Variants in KCND3 observed in about 807,000 individuals in gnomAD.
KCND3 encodes the protein A-type voltage-gated potassium channel KCND3.
In KCND3, 9 loss-of-function variants were observed where a neutral mutation model predicts 51.1. That is an observed-to-expected ratio of 0.18 (90% CI 0.11 to 0.31). The LOEUF is 0.31. Ranked by LOEUF, KCND3 falls within the 10% of genes least tolerant of loss-of-function variation. The pLI, the probability that KCND3 is intolerant of heterozygous loss-of-function variation, is 1.00. For missense variants in KCND3, 526 were observed against 903.8 expected, an observed-to-expected ratio of 0.58 and a Z score of 5.36; for synonymous variants, 349 against 368.0, an observed-to-expected ratio of 0.95 and a Z score of 0.59.
At chr1:111,972,144 C>G (rs1318803097) in intron 2 of KCND3, among the ~76,000 whole-genome samples, 3 of 149,866 alleles carry the variant, frequency 2.0e-5, no homozygotes, top group Non-Finnish European at 3.0e-5. Flanking sequence ...CTGCTTATCT[C>G]TAGCTATTTT....
intron 2 of KCND3, among the ~76,000 whole-genome samples, chr1:111,831,299 C>T (rs938918713): frequency 2.0e-5 from 3 of 152,174 alleles, no homozygotes; most frequent in African/African-American, 7.2e-5. Flanking sequence ...ATTGTAATCC[C>T]CAATGTCAGA....
At chr1:111,827,328 G>A (rs926785895) in intron 2 of KCND3, among the ~76,000 whole-genome samples, 2 of 152,206 alleles carry the variant, frequency 1.3e-5, no homozygotes, top group Non-Finnish European at 2.9e-5. Flanking sequence ...TGCAGCCTAG[G>A]GGTGGAGCCC....
chr1:111,909,059 A>G (rs2034124), intron 2 of KCND3, among the ~76,000 whole-genome samples: 88,795 of 151,204 alleles, frequency 0.59, 26,347 homozygotes, highest in African/African-American at 0.69. Context: ...CAGAAGGCAG[A>G]CTCCTCAATT....
chr1:111,798,825 T>C (rs779475290), intron 2 of KCND3, among the ~76,000 whole-genome samples: 1 of 150,776 alleles, frequency 6.6e-6, no homozygotes, highest in Non-Finnish European at 1.5e-5. Context: ...TGCAAAACAC[T>C]TTTATCCTGA....
chr1:111,973,912 A>G (rs1674480774), intron 2 of KCND3, among the ~76,000 whole-genome samples: 2 of 152,228 alleles, frequency 1.3e-5, no homozygotes. Flanking sequence ...AGCCTCATCC[A>G]TCTCTCCATC....
At position 111,901,115 on chromosome 1, in the gene KCND3, TC is replaced by T. The variant is rs369187370; in HGVS notation, c.1106+80505del. On this transcript the variant is annotated intron_variant, in intron 2 of 7. Transcript: ENST00000302127. ...AGGTAGTTATTATTGTTAGCTATTA[TC>T]CAGGAGCAAAATCTTATCATTCAGT... Among the ~76,000 whole-genome samples, 19 of 152,342 alleles carry T rather than the reference TC, an allele frequency of 1.2e-4. No homozygotes were observed. In the East Asian group the frequency reaches 2.7e-3, roughly 22 times the overall value.
intron 1 of KCND3, among the ~76,000 whole-genome samples, chr1:111,983,825 A>T (rs1349328984): frequency 6.6e-6 from 1 of 152,112 alleles, no homozygotes; most frequent in Admixed American, 6.6e-5. Flanking sequence ...CACACTGCAT[A>T]AGCACTTCCC....
chr1:111,854,884 A>C (rs1299311914), intron 2 of KCND3, among the ~76,000 whole-genome samples: 7 of 152,180 alleles, frequency 4.6e-5, no homozygotes, highest in Admixed American at 4.6e-4. Context: ...GGGTGAAACA[A>C]GGCCTCGCTG....
chr1:111,814,998 G>A (rs1035684628), intron 2 of KCND3, among the ~76,000 whole-genome samples: 2 of 152,252 alleles, frequency 1.3e-5, no homozygotes, highest in Admixed American at 6.5e-5. Flanking sequence ...TTGTTACAAA[G>A]AACACAAAGC....
At chr1:111,879,122 C>T (rs1669189127) in intron 2 of KCND3, among the ~76,000 whole-genome samples, 1 of 152,212 alleles carries the variant, frequency 6.6e-6, no homozygotes, top group South Asian at 2.1e-4. Context: ...TGGAACTACA[C>T]ACCAACTCTC....
In KCND3 at chr1:111,800,555, A is replaced by T. The variant is rs1247705562; in HGVS notation, c.1107-13449T>A. On this transcript the variant is annotated intron_variant, in intron 2 of 7. Transcript: ENST00000302127. Reference sequence around the variant, plus strand: ...ATTATCAATAAAAAAATAAATTTAAAAAAAAAAAAAAAAAAGAAAATTGGG... The same window carrying T: ...ATTATCAATAAAAAAATAAATTTAATAAAAAAAAAAAAAAAGAAAATTGGG... Among the ~76,000 whole-genome samples the T allele has an allele frequency of 7.9e-3, 839 of 105,856 alleles. 6 individuals are homozygous for T. The highest frequency in any genetic ancestry group is 0.029 in the African/African-American group (796 of 27,512). The allele number at this position is 105,856 out of a possible 152,430, so 69.4% of individuals were successfully genotyped here. A position where few individuals can be genotyped will look rare whatever the true frequency, so the allele number is the denominator to read the frequency against.
rs111408765 is a variant in KCND3 at position 111,843,398 on chromosome 1, C to A, written c.1107-56292G>T. On this transcript the variant is annotated intron_variant, in intron 2 of 7. Coordinates refer to ENST00000302127, the MANE Select transcript of KCND3 (RefSeq NM_001378969.1). ...CAAGAGAAGGCAAAGGCTGCCCAGT[C>A]CCTCCAGATGGCATGGGCCCCAAGC... is the stretch of plus-strand genomic sequence containing the variant. 1.1e-3 allele frequency among the ~76,000 whole-genome samples: 167 copies of A among 152,338 alleles called. 1 individual carries two copies. Among genetic ancestry groups the A allele is most frequent in the African/African-American group, 3.9e-3 (163 of 41,574 alleles).
At chr1:111,984,885 A>G (rs1434468838) in intron 1 of KCND3, among the ~76,000 whole-genome samples, 1 of 151,936 alleles carries the variant, frequency 6.6e-6, no homozygotes, top group Non-Finnish European at 1.5e-5. Context: ...TCTCCTCACT[A>G]TGAGATTCTC....
At chr1:111,797,794 T>C (rs772115733) in intron 2 of KCND3, among the ~76,000 whole-genome samples, 30 of 149,836 alleles carry the variant, frequency 2.0e-4, no homozygotes, top group Non-Finnish European at 4.2e-4. Context: ...AAGATTCTTC[T>C]GGGTTAATCC....
intron 2 of KCND3, among the ~76,000 whole-genome samples, chr1:111,843,562 G>A (rs151329355): frequency 6.6e-6 from 1 of 152,304 alleles, no homozygotes; most frequent in East Asian, 1.9e-4. Flanking sequence ...TCTTGCCTGG[G>A]TGGACATCTT....
intron 2 of KCND3, among the ~76,000 whole-genome samples, chr1:111,874,936 C>T (rs1423120692): frequency 1.3e-5 from 2 of 152,226 alleles, no homozygotes; most frequent in Non-Finnish European, 2.9e-5. Flanking sequence ...CCTCCAGGGC[C>T]ACTGATCAGC....
intron 2 of KCND3, among the ~76,000 whole-genome samples, chr1:111,842,937 G>C (rs919520838): frequency 6.6e-6 from 1 of 152,180 alleles, no homozygotes; most frequent in Non-Finnish European, 1.5e-5. Flanking sequence ...CATCTTGAGG[G>C]CAAAGATTAT....
At chr1:111,860,999 G>A (rs1029471281) in intron 2 of KCND3, among the ~76,000 whole-genome samples, 4 of 152,206 alleles carry the variant, frequency 2.6e-5, no homozygotes, top group African/African-American at 9.7e-5. Context: ...CTGTCTGGCA[G>A]AGCCCCTCTC....
intron 2 of KCND3, among the ~76,000 whole-genome samples, chr1:111,807,831 T>A (rs1037690355): frequency 6.6e-5 from 10 of 152,232 alleles, no homozygotes; most frequent in Non-Finnish European, 1.3e-4. Context: ...AACAATGCAT[T>A]TCTCAGAACT....
Sources: gnomAD v4.1 joint callset for allele counts (sites outside exome capture counted in the v4.1 genomes callset) on GRCh38, gnomAD v4.1.1 for gene constraint, MANE v1.5 for transcripts, NCBI Gene and HGNC (gene_info 2026-07-23, HGNC 2026-07-21) for gene names.